GLIS3: variants seen among roughly 807,000 people sequenced by gnomAD.
GLIS3 encodes the protein zinc finger protein GLIS3.
A neutral mutation model predicts 78.6 loss-of-function variants in GLIS3; 53 were observed. The observed-to-expected ratio is 0.67, with a 90% CI of 0.54 to 0.85. The LOEUF is 0.85. Ranked by LOEUF, GLIS3 falls within the 40% of genes least tolerant of loss-of-function variation. The probability of loss-of-function intolerance (pLI) is 0.00; values close to 1 mark genes in which losing one functional copy is unlikely to be tolerated. For missense variants in GLIS3, 1,703 were observed against 1,231.1 expected, an observed-to-expected ratio of 1.38 and a Z score of -5.74; for synonymous variants, 684 against 509.9, an observed-to-expected ratio of 1.34 and a Z score of -4.60.
intron 2 of GLIS3, among the ~76,000 whole-genome samples, chr9:4,247,284 G>C (rs957265178): frequency 1.3e-5 from 2 of 152,102 alleles, no homozygotes; most frequent in Non-Finnish European, 2.9e-5. Context: ...AAAGCTGAAA[G>C]TACGGTTGTT....
the GLIS3 span, among the ~76,000 whole-genome samples, chr9:4,401,923 A>T: frequency 6.6e-6 from 1 of 152,138 alleles, no homozygotes; most frequent in Admixed American, 6.5e-5. Context: ...CAGAGGCAAG[A>T]GCGGGAAGCA....
chr9:4,397,710 CAGGGAGGGAGGG>C, the GLIS3 span, among the ~76,000 whole-genome samples: 1 of 4,880 alleles, frequency 2.0e-4, no homozygotes, highest in Non-Finnish European at 4.7e-4. Flanking sequence ...GGGAGGAAGG[CAGGGAGGGAGGG>C]AGGGAGGGAG....
At chr9:3,886,956 C>A (rs570614203) in intron 7 of GLIS3, among the ~76,000 whole-genome samples, 245 of 152,298 alleles carry the variant, frequency 1.6e-3, no homozygotes, top group African/African-American at 5.6e-3. Flanking sequence ...CATTTCCCCC[C>A]TTCCCCTGCC....
chr9:4,315,550 C>A (rs1228368204), intron 2 of GLIS3, among the ~76,000 whole-genome samples: 1 of 152,122 alleles, frequency 6.6e-6, no homozygotes, highest in Admixed American at 6.5e-5. Flanking sequence ...CTAAACTTCA[C>A]CCTCTGCCGC....
At chr9:4,461,618 G>C in the GLIS3 span, among the ~76,000 whole-genome samples, 2 of 152,092 alleles carry the variant, frequency 1.3e-5, no homozygotes, top group African/African-American at 4.8e-5. Flanking sequence ...TTGCCTCCTT[G>C]ACTTCAGGCT....
chr9:4,351,432 T>C (rs1817970259), upstream of GLIS3, among the ~76,000 whole-genome samples: 2 of 146,998 alleles, frequency 1.4e-5, no homozygotes, highest in Admixed American at 1.4e-4. Flanking sequence ...TGAGGAGAAA[T>C]CTTTTACATA....
At chr9:3,907,519 A>G (rs1459583087) in intron 6 of GLIS3, among the ~76,000 whole-genome samples, 2 of 151,704 alleles carry the variant, frequency 1.3e-5, no homozygotes, top group South Asian at 4.2e-4. Context: ...TCGATTAGCA[A>G]TGTGCTGCCG....
intron 4 of GLIS3, among the ~76,000 whole-genome samples, chr9:3,940,172 C>T (rs957805920): frequency 1.3e-5 from 2 of 152,126 alleles, no homozygotes; most frequent in Non-Finnish European, 2.9e-5. Context: ...AAATGCATTA[C>T]AAATAAAACA....
intron 2 of GLIS3, among the ~76,000 whole-genome samples, chr9:4,134,914 G>A (rs1050028705): frequency 2.6e-5 from 4 of 152,144 alleles, no homozygotes; most frequent in Non-Finnish European, 5.9e-5. Context: ...GGCTTGTCCT[G>A]AAAGAGCTGC....
chr9:4,313,778 T>C (rs1437799301), intron 2 of GLIS3, among the ~76,000 whole-genome samples: 2 of 152,018 alleles, frequency 1.3e-5, no homozygotes, highest in African/African-American at 2.4e-5. Flanking sequence ...TCCCTGGGAG[T>C]CTCAAGTGCA....
At chr9:4,053,609 A>G (rs1481629645) in intron 4 of GLIS3, among the ~76,000 whole-genome samples, 1 of 150,472 alleles carries the variant, frequency 6.6e-6, no homozygotes, top group Non-Finnish European at 1.5e-5. Context: ...TCTCTAGTGG[A>G]TAAATGTCTC....
At position 3,867,457 on chromosome 9, in the gene GLIS3, G is replaced by T. The variant is rs867229917; in HGVS notation, c.2298-11273C>A. On this transcript the variant is annotated intron_variant, in intron 8 of 10. Transcript: ENST00000381971. Reference sequence around the variant, plus strand: ...ACTGATATTTGCCAGAGGATGAAGCGTGGCTTTGGCCATGGATCCTCAATA... The same window carrying T: ...ACTGATATTTGCCAGAGGATGAAGCTTGGCTTTGGCCATGGATCCTCAATA... 3.3e-5 allele frequency among the ~76,000 whole-genome samples: 5 copies of T among 152,308 alleles called. No homozygotes were observed. In the South Asian group the frequency reaches 8.3e-4, roughly 25 times the overall value.
intron 4 of GLIS3, among the ~76,000 whole-genome samples, chr9:4,099,611 C>G (rs1439954008): frequency 1.3e-5 from 2 of 152,154 alleles, no homozygotes; most frequent in African/African-American, 4.8e-5. Context: ...GGGGTGATGA[C>G]TTCAACATAC....
At chr9:4,120,013 C>A (rs943212101) in intron 3 of GLIS3, among the ~76,000 whole-genome samples, 2 of 152,180 alleles carry the variant, frequency 1.3e-5, no homozygotes, top group African/African-American at 4.8e-5. Flanking sequence ...AAGAACCTGG[C>A]TTATTATATG....
At chr9:4,169,280 C>A (rs1250610662) in intron 2 of GLIS3, among the ~76,000 whole-genome samples, 1 of 152,210 alleles carries the variant, frequency 6.6e-6, no homozygotes, top group Non-Finnish European at 1.5e-5. Flanking sequence ...AAACAAAAAA[C>A]ATCATTACTA....
chr9:4,308,184 G>T (rs575616957), intron 4 of GLIS3, among the ~76,000 whole-genome samples: 18 of 152,132 alleles, frequency 1.2e-4, no homozygotes, highest in Admixed American at 1.2e-3. Flanking sequence ...CCTTAACCCT[G>T]CCACCACCCA....
At chr9:3,968,616 TATA>T (rs1818141465) in intron 4 of GLIS3, among the ~76,000 whole-genome samples, 1 of 152,192 alleles carries the variant, frequency 6.6e-6, no homozygotes. Flanking sequence ...TTTTCACCTT[TATA>T]ATGTTATTCT....
the GLIS3 span, among the ~76,000 whole-genome samples, chr9:4,419,522 G>T: frequency 6.6e-6 from 1 of 152,160 alleles, no homozygotes; most frequent in Non-Finnish European, 1.5e-5. Flanking sequence ...AGGTGCGGTG[G>T]CTCATGCTTG....
chr9:4,446,010 T>C, the GLIS3 span, among the ~76,000 whole-genome samples: 172 of 152,358 alleles, frequency 1.1e-3, no homozygotes, highest in Non-Finnish European at 2.1e-3. Flanking sequence ...TTTTTTAATA[T>C]ATGAAATCTC....
Sources: gnomAD v4.1 joint callset for allele counts (sites outside exome capture counted in the v4.1 genomes callset) on GRCh38, gnomAD v4.1.1 for gene constraint, MANE v1.5 for transcripts, NCBI Gene and HGNC (gene_info 2026-07-23, HGNC 2026-07-21) for gene names.